PXDNL: variants seen among roughly 807,000 people sequenced by gnomAD.
PXDNL encodes the protein probable oxidoreductase PXDNL.
In PXDNL, 145 loss-of-function variants were observed where a neutral mutation model predicts 150.8. The observed-to-expected ratio is 0.96, with a 90% CI of 0.84 to 1.10. PXDNL has a LOEUF of 1.10. PXDNL is among the 50% of genes least tolerant of loss of function. PXDNL has a pLI of 0.00. For missense variants in PXDNL, 2,087 were observed against 1,873.9 expected, an observed-to-expected ratio of 1.11 and a Z score of -2.10; for synonymous variants, 757 against 725.7, an observed-to-expected ratio of 1.04 and a Z score of -0.69.
intron 1 of PXDNL, among the ~76,000 whole-genome samples, chr8:51,776,217 C>T (rs1428118861): frequency 6.6e-6 from 1 of 152,166 alleles, no homozygotes; most frequent in African/African-American, 2.4e-5. Flanking sequence ...TGCCCCAGTC[C>T]TGTGGTCCTA....
chr8:51,498,130 A>G (rs1221557793), intron 5 of PXDNL, among the ~76,000 whole-genome samples: 1 of 152,026 alleles, frequency 6.6e-6, no homozygotes, highest in African/African-American at 2.4e-5. Flanking sequence ...TGTCCTTTGT[A>G]GGGACATGGA....
intron 21 of PXDNL, among the ~76,000 whole-genome samples, chr8:51,327,204 G>A (rs1243794429): frequency 1.3e-5 from 2 of 152,138 alleles, no homozygotes; most frequent in Non-Finnish European, 2.9e-5. Flanking sequence ...AATCCTCCTT[G>A]TTGCCATAAA....
At chr8:51,710,898 G>A (rs1481795314) in intron 1 of PXDNL, among the ~76,000 whole-genome samples, 1 of 152,170 alleles carries the variant, frequency 6.6e-6, no homozygotes, top group Non-Finnish European at 1.5e-5. Flanking sequence ...TGTATGGCAA[G>A]CTCACAGCCC....
intron 14 of PXDNL, among the ~76,000 whole-genome samples, chr8:51,421,960 A>G (rs1351927234): frequency 6.6e-6 from 1 of 152,174 alleles, no homozygotes; most frequent in African/African-American, 2.4e-5. Flanking sequence ...CCTGTTAGTA[A>G]CACAGCAGGA....
At chr8:51,703,213 C>T (rs58478928) in intron 1 of PXDNL, among the ~76,000 whole-genome samples, 5,156 of 151,688 alleles carry the variant, frequency 0.034, 276 homozygotes, top group African/African-American at 0.11. Flanking sequence ...AAATTGAATA[C>T]ATTAATCAAA....
At chr8:51,491,206 T>C (rs1261133915) in intron 5 of PXDNL, among the ~76,000 whole-genome samples, 2 of 152,172 alleles carry the variant, frequency 1.3e-5, no homozygotes, top group Admixed American at 1.3e-4. Flanking sequence ...GCAAATGGTC[T>C]ATTGTGGGAC....
intron 6 of PXDNL, among the ~76,000 whole-genome samples, chr8:51,482,810 A>C (rs1164588656): frequency 6.6e-6 from 1 of 152,134 alleles, no homozygotes; most frequent in African/African-American, 2.4e-5. Context: ...AGGAACTGTG[A>C]GTCCATTAAA....
chr8:51,798,839 C>T (rs368928101), intron 1 of PXDNL, among the ~76,000 whole-genome samples: 1 of 152,066 alleles, frequency 6.6e-6, no homozygotes, highest in African/African-American at 2.4e-5. Flanking sequence ...TGGGTATATA[C>T]CCAAAGGAAT....
intron 12 of PXDNL, among the ~76,000 whole-genome samples, chr8:51,440,497 T>C (rs971685642): frequency 1.3e-5 from 2 of 152,076 alleles, no homozygotes; most frequent in East Asian, 1.9e-4. Context: ...TTTGGGGATA[T>C]TACCAGTGAA....
intron 1 of PXDNL, among the ~76,000 whole-genome samples, chr8:51,675,218 G>C (rs1471453925): frequency 6.6e-6 from 1 of 152,138 alleles, no homozygotes; most frequent in Non-Finnish European, 1.5e-5. Flanking sequence ...TTGCCAATGC[G>C]ATAGTATTAA....
chr8:51,592,002 A>G (rs1813454391), intron 3 of PXDNL, among the ~76,000 whole-genome samples: 1 of 152,210 alleles, frequency 6.6e-6, no homozygotes. Flanking sequence ...TTGTTTCTTC[A>G]GCCTCCAACA....
At chr8:51,723,657 A>G (rs1816771635) in intron 1 of PXDNL, among the ~76,000 whole-genome samples, 1 of 152,200 alleles carries the variant, frequency 6.6e-6, no homozygotes, top group Non-Finnish European at 1.5e-5. Flanking sequence ...TGGCGGGAGC[A>G]ATTCAGCAGT....
At chr8:51,481,879 G>A (rs1810611793) in intron 6 of PXDNL, among the ~76,000 whole-genome samples, 1 of 152,224 alleles carries the variant, frequency 6.6e-6, no homozygotes, top group Non-Finnish European at 1.5e-5. Context: ...TGAATGTCCA[G>A]GCAGAAGTTT....
At chr8:51,402,310 G>C (rs968009169) in intron 17 of PXDNL, among the ~76,000 whole-genome samples, 2 of 152,098 alleles carry the variant, frequency 1.3e-5, no homozygotes, top group Admixed American at 1.3e-4. Context: ...CAGATCACAT[G>C]TGGTCAGGAG....
intron 1 of PXDNL, among the ~76,000 whole-genome samples, chr8:51,773,573 A>G (rs1286342983): frequency 6.6e-6 from 1 of 152,252 alleles, no homozygotes; most frequent in Non-Finnish European, 1.5e-5. Context: ...ACCTTCTAGA[A>G]TTTGTTCCCA....
chr8:51,503,151 T>A lies in PXDNL; in HGVS notation c.381-3381A>T, dbSNP rs16916413. Among the ~76,000 whole-genome samples, 46 of 152,166 alleles carry A rather than the reference T, an allele frequency of 3.0e-4. No individual in the cohort carries two copies. In the East Asian group the frequency reaches 6.8e-3, roughly 22 times the overall value. On this transcript the variant is annotated intron_variant, in intron 4 of 22. Transcript: ENST00000356297. Reference sequence around the variant, plus strand: ...GCCATGCTTCCCTAGAATAAATCACTGCAATCTTAGACTCACCCAGAGATG... The same window carrying A: ...GCCATGCTTCCCTAGAATAAATCACAGCAATCTTAGACTCACCCAGAGATG...
chr8:51,398,259 T>C (rs1462470184), intron 17 of PXDNL, among the ~76,000 whole-genome samples: 1 of 152,122 alleles, frequency 6.6e-6, no homozygotes, highest in African/African-American at 2.4e-5. Context: ...CACAGCAAGG[T>C]GCAGCTGCAC....
intron 4 of PXDNL, among the ~76,000 whole-genome samples, chr8:51,531,408 G>A (rs774017343): frequency 2.6e-5 from 4 of 152,160 alleles, no homozygotes; most frequent in East Asian, 3.9e-4. Flanking sequence ...TACTGAAGCC[G>A]GGGAGTGGAT....
chr8:51,486,782 ATATATATATATATTTTTTTTT>A (rs1810762723), intron 5 of PXDNL, among the ~76,000 whole-genome samples: 2 of 21,424 alleles, frequency 9.3e-5, no homozygotes, highest in African/African-American at 1.9e-4. Flanking sequence ...ATATATATAT[ATATATATATATATTTTTTTTT>A]TTTTTTTTTT....
Sources: allele counts gnomAD v4.1 joint callset (sites outside exome capture counted in the v4.1 genomes callset), GRCh38; gene constraint gnomAD v4.1.1; transcripts MANE v1.5; gene names NCBI Gene and HGNC (gene_info 2026-07-23, HGNC 2026-07-21).